PLEKHG1: variants seen among roughly 807,000 people sequenced by gnomAD.
PLEKHG1 encodes the protein pleckstrin homology domain-containing family G member 1.
PLEKHG1 carries 44 observed loss-of-function variants against 100.8 expected under a neutral mutation model. The observed-to-expected ratio is 0.44, with a 90% CI of 0.34 to 0.56. The LOEUF (loss-of-function observed/expected upper bound fraction) is 0.56, where lower values mean the gene tolerates loss of function less well. Among genes scored for constraint, PLEKHG1 ranks in the 20% least tolerant of loss-of-function variants. The pLI, the probability that PLEKHG1 is intolerant of heterozygous loss-of-function variation, is 0.01. For synonymous variants in PLEKHG1, 640 were observed against 662.5 expected (o/e 0.97, Z 0.52); for missense variants, 1,545 against 1,720.9 (o/e 0.90, Z 1.81).
intron 3 of PLEKHG1, among the ~76,000 whole-genome samples, chr6:150,658,365 T>C (rs1418014795): frequency 6.6e-6 from 1 of 152,218 alleles, no homozygotes; most frequent in Non-Finnish European, 1.5e-5. Context: ...GAGTATTTTC[T>C]TTTAATATTC....
chr6:150,734,652 T>G (rs1782469636), intron 2 of PLEKHG1, among the ~76,000 whole-genome samples: 1 of 152,266 alleles, frequency 6.6e-6, no homozygotes, highest in Non-Finnish European at 1.5e-5. Context: ...GCTATTCCTG[T>G]ATTGGTTGGT....
chr6:150,785,008 C>T (rs1212795675), intron 3 of PLEKHG1, among the ~76,000 whole-genome samples: 2 of 146,982 alleles, frequency 1.4e-5, no homozygotes, highest in African/African-American at 2.5e-5. Context: ...GCCTGGTTGA[C>T]AGAGTGAGAC....
intron 3 of PLEKHG1, among the ~76,000 whole-genome samples, chr6:150,703,480 A>G (rs1261644658): frequency 1.3e-5 from 2 of 152,006 alleles, no homozygotes; most frequent in Non-Finnish European, 2.9e-5. Flanking sequence ...ACATGCCTGT[A>G]ATCCTAGCTA....
At chr6:150,601,359 A>G (rs889219720) in intron 1 of PLEKHG1, among the ~76,000 whole-genome samples, 18 of 152,232 alleles carry the variant, frequency 1.2e-4, no homozygotes, top group Non-Finnish European at 1.8e-4. Context: ...GACCCTGGGC[A>G]AGATACTTGC....
intron 1 of PLEKHG1, among the ~76,000 whole-genome samples, chr6:150,625,137 C>G (rs9480499): frequency 0.087 from 11,403 of 130,750 alleles, 536 homozygotes; most frequent in Admixed American, 0.13. Flanking sequence ...GAGTGAGACT[C>G]CATCTCAAAA....
chr6:150,793,003 A>G (rs1235699285), intron 4 of PLEKHG1, among the ~76,000 whole-genome samples: 2 of 152,214 alleles, frequency 1.3e-5, no homozygotes, highest in African/African-American at 4.8e-5. Context: ...AAAACAATGG[A>G]AACTCATTAA....
chr6:150,677,322 C>T (rs1779795896), intron 3 of PLEKHG1, among the ~76,000 whole-genome samples: 1 of 140,224 alleles, frequency 7.1e-6, no homozygotes, highest in Non-Finnish European at 1.5e-5. Context: ...GCACACACAC[C>T]ACCAGTTTCT....
intron 3 of PLEKHG1, among the ~76,000 whole-genome samples, chr6:150,773,327 A>G (rs1784797557): frequency 6.6e-6 from 1 of 152,080 alleles, no homozygotes; most frequent in African/African-American, 2.4e-5. Flanking sequence ...TGAGGTTAGG[A>G]GCTTGAGACC....
At chr6:150,785,031 A>AT (rs1284911830) in intron 3 of PLEKHG1, among the ~76,000 whole-genome samples, 1 of 143,508 alleles carries the variant, frequency 7.0e-6, no homozygotes, top group Non-Finnish European at 1.5e-5. Context: ...TGTCTCTAAA[A>AT]TTAAAAAAAA....
intron 1 of PLEKHG1, among the ~76,000 whole-genome samples, chr6:150,621,776 A>G (rs1159254663): frequency 6.6e-6 from 1 of 152,196 alleles, no homozygotes; most frequent in Non-Finnish European, 1.5e-5. Flanking sequence ...ACCATTAGTG[A>G]CCTATTTGAA....
chr6:150,839,862 T>A (rs1399173952), exon 16 of PLEKHG1: 1 of 1,613,102 alleles, frequency 6.2e-7, no homozygotes, highest in East Asian at 2.2e-5. Flanking sequence ...TTCCCAGTTG[T>A]ATGACCAGAT....
chr6:150,709,912 T>A (rs1781182021), intron 3 of PLEKHG1, among the ~76,000 whole-genome samples: 1 of 152,100 alleles, frequency 6.6e-6, no homozygotes, highest in Non-Finnish European at 1.5e-5. Context: ...CAGCCTCCCA[T>A]GTAGCTGGGA....
chr6:150,749,649 G>A lies in PLEKHG1; in HGVS notation c.411+15557G>A, dbSNP rs1366870125. ...TGGTTTTGCCACCTCCTGTTCTAAA[G>A]TAGGAGCTGGCTCTGAAGTTTCAGG... On this transcript the variant is annotated intron_variant, in intron 2 of 15. Transcript: ENST00000358517. 2.6e-5 allele frequency among the ~76,000 whole-genome samples: 4 copies of A among 152,154 alleles called. No individual in the cohort carries two copies. The East Asian group carries it at 7.7e-4, about 29-fold the overall frequency.
intron 3 of PLEKHG1, among the ~76,000 whole-genome samples, chr6:150,701,270 C>G (rs1470812647): frequency 6.8e-6 from 1 of 146,486 alleles, no homozygotes; most frequent in Non-Finnish European, 1.5e-5. Context: ...CAGTGAGCCA[C>G]GATCACACCA....
At chr6:150,787,375 C>A (rs920537484) in intron 4 of PLEKHG1, among the ~76,000 whole-genome samples, 1 of 152,166 alleles carries the variant, frequency 6.6e-6, no homozygotes, top group African/African-American at 2.4e-5. Flanking sequence ...TGAAACCTAC[C>A]CTTTCCTACA....
At chr6:150,729,344 G>A (rs550666975) in intron 1 of PLEKHG1, among the ~76,000 whole-genome samples, 1 of 152,322 alleles carries the variant, frequency 6.6e-6, no homozygotes, top group African/African-American at 2.4e-5. Flanking sequence ...TTACAGGCAT[G>A]AGCCACTGTG....
At chr6:150,826,009 T>C (rs187378045) in intron 14 of PLEKHG1, among the ~76,000 whole-genome samples, 317 of 152,088 alleles carry the variant, frequency 2.1e-3, no homozygotes, top group Admixed American at 6.4e-3. Context: ...TGAAACCCTG[T>C]CTCTACTAAA....
At chr6:150,841,084 CAT>C in exon 16 of PLEKHG1, 1 of 696,170 alleles carries the variant, frequency 1.4e-6, no homozygotes, top group Non-Finnish European at 2.6e-6. Flanking sequence ...TACTGTAGCA[CAT>C]GTTGGCATCA....
chr6:150,640,232 T>C (rs1477019660), intron 2 of PLEKHG1, among the ~76,000 whole-genome samples: 4 of 152,270 alleles, frequency 2.6e-5, no homozygotes, highest in Admixed American at 2.6e-4. Flanking sequence ...AGTCAGCTCA[T>C]GACTGACTCT....
Sources: allele counts gnomAD v4.1 joint callset (sites outside exome capture counted in the v4.1 genomes callset), GRCh38; gene constraint gnomAD v4.1.1; transcripts MANE v1.5; gene names NCBI Gene and HGNC (gene_info 2026-07-23, HGNC 2026-07-21).